The following CFAP221 variants were observed in gnomAD, a reference collection of about 807,000 sequenced individuals.
CFAP221 encodes the protein cilia- and flagella-associated protein 221.
Under a neutral mutation model 113.1 loss-of-function variants are expected in CFAP221, and 97 were observed. The observed-to-expected ratio is 0.86, with a 90% CI of 0.73 to 1.02. The LOEUF (loss-of-function observed/expected upper bound fraction) is 1.02, where lower values mean the gene tolerates loss of function less well. Among genes scored for constraint, CFAP221 ranks in the 50% least tolerant of loss-of-function variants. The pLI is 0.00. For missense variants in CFAP221, 1,025 were observed against 1,013.4 expected (o/e 1.01, Z -0.16); for synonymous variants, 331 against 354.4 (o/e 0.93, Z 0.74).
At position 119,625,661 on chromosome 2, in the gene CFAP221, G is replaced by T; in HGVS notation, c.1489G>T (p.Gly497Cys). The change falls in exon 15 of 24, where the codon GGC (glycine) becomes TGC (cysteine). Residue 497 changes from glycine (G) to cysteine (C), a missense_variant. By Grantham distance (159) the Gly-to-Cys change is radical. Transcript: ENST00000413369. The stretch of plus-strand genomic sequence containing the variant: ...CAAAGAGAGTATACTGAGAAAGATT[G>T]GCCAAGCAAAACAATCGATAGCACA... ...MDKESILRKI[G>C]QAKQSIAQEA... is the part of the protein sequence containing the mutation. 1.2e-6 allele frequency: 2 copies of T among 1,612,706 alleles called. No homozygotes were observed. Among genetic ancestry groups the T allele is most frequent in the African/African-American group, 1.3e-5 (1 of 75,004 alleles).
chr2:119,604,452 C>CAA (rs372078139), intron 8 of CFAP221, among the ~76,000 whole-genome samples: 1 of 148,146 alleles, frequency 6.8e-6, no homozygotes, highest in African/African-American at 2.5e-5. Flanking sequence ...GAATGTAAGG[C>CAA]AAAAAAAAAC....
At chr2:119,647,975 G>T (rs1017007655) in intron 22 of CFAP221, among the ~76,000 whole-genome samples, 1 of 152,028 alleles carries the variant, frequency 6.6e-6, no homozygotes, top group African/African-American at 2.4e-5. Context: ...CACCACCACC[G>T]CCACTCACTC....
rs1684343982 is a variant in CFAP221 at position 119,601,240 on chromosome 2, G to A, written c.654G>A (p.Lys218=). The A allele has an allele frequency of 6.5e-7, 1 of 1,528,784 alleles. No homozygotes were observed. Among genetic ancestry groups the A allele is most frequent in the East Asian group, 2.5e-5 (1 of 40,722 alleles). 94.7% of individuals were successfully genotyped at this position (1,528,784 alleles called of 1,614,324 possible). A position where few individuals can be genotyped will look rare whatever the true frequency, so the allele number is the denominator to read the frequency against. Residue 218 remains lysine (K), a synonymous_variant, in exon 8 of 24, where the codon AAG becomes AAA. Coordinates refer to ENST00000413369, the MANE Select transcript of CFAP221 (RefSeq NM_001271049.2). The stretch of plus-strand genomic sequence containing the variant: ...CAGGAATAATTCCGGCTAATGGGAA[G>A]ATGACTGTGACTATTAAGTTTACAC... ...PTSGIIPANG[K]MTVTIKFTPF... is the part of the protein sequence containing the mutation.
At chr2:119,587,482 C>T (rs1294458950) in intron 7 of CFAP221, among the ~76,000 whole-genome samples, 1 of 152,162 alleles carries the variant, frequency 6.6e-6, no homozygotes, top group East Asian at 1.9e-4. Flanking sequence ...GCTCCTGGTA[C>T]ATCCTTGGTT....
At chr2:119,558,358 A>G (rs1680974532) in intron 3 of CFAP221, among the ~76,000 whole-genome samples, 1 of 152,072 alleles carries the variant, frequency 6.6e-6, no homozygotes, top group African/African-American at 2.4e-5. Context: ...TCATATCTTC[A>G]CCAAGACTGC....
rs1024468535 is a variant in CFAP221 at position 119,627,590 on chromosome 2, A to G, written c.1517-63A>G. The G allele has an allele frequency of 6.6e-6, 10 of 1,506,900 alleles. No individual in the cohort carries two copies. The African/African-American group carries it at 8.4e-5, about 13-fold the overall frequency. 93.3% of individuals were successfully genotyped at this position (1,506,900 alleles called of 1,614,324 possible). ...GTATATGGAAAATATGCAAATATAT[A>G]TGGTGATTTCCCATAAAAATACCTT... On this transcript the variant is annotated intron_variant, in intron 15 of 23. Coordinates refer to ENST00000413369, the MANE Select transcript of CFAP221 (RefSeq NM_001271049.2).
chr2:119,605,255 G>A lies in CFAP221; in HGVS notation c.1099G>A (p.Asp367Asn), dbSNP rs373961421. The change falls in exon 11 of 24, where the codon GAC becomes AAC. Residue 367 changes from aspartate to asparagine, a missense_variant. Physicochemically the swap from Asp to Asn is conservative, Grantham distance 23 (BLOSUM62 1). Coordinates refer to ENST00000413369, the MANE Select transcript of CFAP221 (RefSeq NM_001271049.2). ...ACTCTTTGAACAGAAAGTCAGACAGGACATTCACGAAGAGATGGAAAATCA... is the reference window on the plus strand; with the variant it reads ...ACTCTTTGAACAGAAAGTCAGACAGAACATTCACGAAGAGATGGAAAATCA... ...EALFEQKVRQ[D>N]IHEEMENHLK... 1.2e-6 allele frequency: 2 copies of A among 1,614,126 alleles called. No individual in the cohort carries two copies. The highest frequency in any genetic ancestry group is 1.6e-4 in the Middle Eastern group (1 of 6,062).
chr2:119,551,722 G>A (rs1408519698), intron 3 of CFAP221, among the ~76,000 whole-genome samples: 2 of 152,120 alleles, frequency 1.3e-5, no homozygotes, highest in African/African-American at 4.8e-5. Flanking sequence ...AGACCATGTT[G>A]GCTATTCTGG....
At chr2:119,643,149 T>G (rs996342276) in intron 21 of CFAP221, among the ~76,000 whole-genome samples, 10 of 152,180 alleles carry the variant, frequency 6.6e-5, no homozygotes, top group Admixed American at 5.9e-4. Context: ...CATAGCAACT[T>G]CCTATAAATC....
At chr2:119,644,877 G>A (rs779986598) in intron 21 of CFAP221, among the ~76,000 whole-genome samples, 14 of 151,954 alleles carry the variant, frequency 9.2e-5, no homozygotes, top group Non-Finnish European at 1.8e-4. Context: ...TGAGAAACCT[G>A]GCTTCTAATA....
intron 8 of CFAP221, among the ~76,000 whole-genome samples, chr2:119,603,246 C>G (rs1684487591): frequency 6.6e-6 from 1 of 152,150 alleles, no homozygotes; most frequent in Admixed American, 6.5e-5. Context: ...TCATTTCCGT[C>G]ATCGACGTTG....
At chr2:119,621,778 C>T (rs1685941493) in intron 14 of CFAP221, among the ~76,000 whole-genome samples, 1 of 152,178 alleles carries the variant, frequency 6.6e-6, no homozygotes, top group South Asian at 2.1e-4. Context: ...CAACCTGCTC[C>T]TGAATGACTC....
chr2:119,610,867 C>T (rs995352494), intron 12 of CFAP221, among the ~76,000 whole-genome samples: 4 of 152,148 alleles, frequency 2.6e-5, no homozygotes, highest in Admixed American at 6.5e-5. Flanking sequence ...ACACCATCTG[C>T]GGAGTACGCA....
chr2:119,597,674 A>G (rs981593460), intron 7 of CFAP221, among the ~76,000 whole-genome samples: 1 of 152,070 alleles, frequency 6.6e-6, no homozygotes, highest in Non-Finnish European at 1.5e-5. Context: ...ACGAAAGCGT[A>G]CTCCACAGGG....
At chr2:119,655,800 A>C (rs550985708) in intron 23 of CFAP221, among the ~76,000 whole-genome samples, 1 of 151,816 alleles carries the variant, frequency 6.6e-6, no homozygotes, top group Admixed American at 6.6e-5. Context: ...CCATCAATTG[A>C]TAGCCTCATT....
intron 21 of CFAP221, among the ~76,000 whole-genome samples, chr2:119,644,726 G>A (rs1687693194): frequency 6.6e-6 from 1 of 152,070 alleles, no homozygotes; most frequent in Admixed American, 6.6e-5. Flanking sequence ...TATATGTAAT[G>A]TATGTGCATA....
rs1687369500 is a variant in CFAP221 at position 119,639,804 on chromosome 2, C to G, written c.2157C>G (p.His719Gln). 6.2e-7 allele frequency: 1 copy of G among 1,614,046 alleles called. No homozygotes were observed. Among genetic ancestry groups the G allele is most frequent in the African/African-American group, 1.3e-5 (1 of 74,926 alleles). ...HHTDIIPGIM[H>Q]WKSFQSLVLS... Reference sequence around the variant, plus strand: ...AGGACATTATTCCCGGAATAATGCACTGGAAAAGCTTCCAGTCCCTGGTTC... The same window carrying G: ...AGGACATTATTCCCGGAATAATGCAGTGGAAAAGCTTCCAGTCCCTGGTTC... The change falls in exon 21 of 24, where the codon CAC becomes CAG. Residue 719 changes from histidine to glutamine, a missense_variant. Physicochemically the swap from His to Gln is conservative, Grantham distance 24. Transcript: ENST00000413369.
intron 11 of CFAP221, among the ~76,000 whole-genome samples, chr2:119,606,432 G>A (rs958058441): frequency 8.6e-5 from 13 of 152,018 alleles, no homozygotes; most frequent in African/African-American, 2.9e-4. Context: ...GGTGCCCACC[G>A]GGCTGCTCCC....
intron 3 of CFAP221, among the ~76,000 whole-genome samples, chr2:119,553,375 CAT>C (rs567943978): frequency 1.2e-4 from 18 of 152,062 alleles, no homozygotes; most frequent in Non-Finnish European, 1.9e-4. Context: ...GAAGGTGAGA[CAT>C]GTGGGTTGGG....
Sources: gnomAD v4.1 joint callset for allele counts (sites outside exome capture counted in the v4.1 genomes callset) on GRCh38, gnomAD v4.1.1 for gene constraint, MANE v1.5 for transcripts, NCBI Gene and HGNC (gene_info 2026-07-23, HGNC 2026-07-21) for gene names.